PPARD: variants seen among roughly 807,000 people sequenced by gnomAD.
The protein encoded by PPARD is peroxisome proliferator-activated receptor delta.
A neutral mutation model predicts 39.5 loss-of-function variants in PPARD; 6 were observed. The observed-to-expected ratio is 0.15, with a 90% CI of 0.08 to 0.30. The LOEUF (loss-of-function observed/expected upper bound fraction) is 0.30. PPARD is among the 10% of genes least tolerant of loss of function. The pLI is 1.00. For missense variants in PPARD, 397 were observed against 596.8 expected (o/e 0.67, Z 3.49); for synonymous variants, 210 against 231.3 (o/e 0.91, Z 0.83).
rs1487739795 is a variant in PPARD at position 35,366,236 on chromosome 6, T to C, written c.-102+19086T>C. 2.6e-5 allele frequency among the ~76,000 whole-genome samples: 4 copies of C among 151,762 alleles called. No homozygotes were observed. The highest frequency in any genetic ancestry group is 5.9e-5 in the Non-Finnish European group (4 of 68,040). On this transcript the variant is annotated intron_variant, in intron 2 of 7. Coordinates refer to ENST00000360694, the MANE Select transcript of PPARD (RefSeq NM_006238.5). This position sits in a 1 kb window ranked among gnomAD's most constrained non-coding sequence, Gnocchi z 4.6. ...TGTGAATACCAGAAGGTGAGGATTG[T>C]TGCCAGCCATTTTAGAAGGCTGACT...
chr6:35,405,746 C>T (rs1041053686), intron 2 of PPARD, among the ~76,000 whole-genome samples: 12 of 152,118 alleles, frequency 7.9e-5, no homozygotes, highest in African/African-American at 2.7e-4. Context: ...TCTCGTGCCT[C>T]AGCCACCCAC....
intron 1 of PPARD, among the ~76,000 whole-genome samples, chr6:35,344,470 T>C (rs1792051906): frequency 6.6e-6 from 1 of 151,970 alleles, no homozygotes; most frequent in Non-Finnish European, 1.5e-5. Flanking sequence ...ATGTTTAACC[T>C]TACCAAGCAG....
intron 2 of PPARD, among the ~76,000 whole-genome samples, chr6:35,369,104 T>G (rs1762350956): frequency 6.6e-6 from 1 of 152,164 alleles, no homozygotes; most frequent in South Asian, 2.1e-4. Flanking sequence ...TTAAATAAAC[T>G]TCTATATTTT....
intron 5 of PPARD, among the ~76,000 whole-genome samples, 163 bp from the exon 6 acceptor site, chr6:35,423,783 G>A (rs9658159): frequency 5.3e-5 from 8 of 151,854 alleles, no homozygotes; most frequent in Admixed American, 2.0e-4. Context: ...TGGAGCTTGC[G>A]ATCTGGAGGG....
chr6:35,417,588 G>T (rs186815427), intron 3 of PPARD, among the ~76,000 whole-genome samples: 131 of 149,348 alleles, frequency 8.8e-4, no homozygotes, highest in African/African-American at 2.7e-3. Context: ...GCAATGGCGC[G>T]ATCTCAGCTC....
At chr6:35,419,511 A>G (rs1766001659) in intron 3 of PPARD, among the ~76,000 whole-genome samples, 1 of 152,236 alleles carries the variant, frequency 6.6e-6, no homozygotes, top group Admixed American at 6.5e-5. Context: ...TGCTTAATCA[A>G]TATGACTGAT....
intron 2 of PPARD, among the ~76,000 whole-genome samples, chr6:35,358,147 T>G (rs374775028): frequency 6.6e-6 from 1 of 152,174 alleles, no homozygotes; most frequent in African/African-American, 2.4e-5. Context: ...CAATCCCAAG[T>G]GTCCTTATGA....
At chr6:35,355,396 AC>A (rs1444149478) in intron 2 of PPARD, among the ~76,000 whole-genome samples, 1 of 151,772 alleles carries the variant, frequency 6.6e-6, no homozygotes, top group African/African-American at 2.4e-5. Flanking sequence ...TACAAAAAAT[AC>A]AAAAATTATC....
chr6:35,399,028 G>T (rs1486539042), intron 2 of PPARD, among the ~76,000 whole-genome samples: 6 of 152,060 alleles, frequency 3.9e-5, no homozygotes, highest in Non-Finnish European at 7.4e-5. Context: ...TGGGAGAATT[G>T]CTTGAATCCA....
At chr6:35,394,490 G>T (rs1250514592) in intron 2 of PPARD, among the ~76,000 whole-genome samples, 1 of 152,112 alleles carries the variant, frequency 6.6e-6, no homozygotes, top group Non-Finnish European at 1.5e-5. Context: ...CAGATAAGCA[G>T]CCGGGCATGA....
intron 2 of PPARD, among the ~76,000 whole-genome samples, chr6:35,409,369 G>T (rs185671885): frequency 6.4e-4 from 97 of 152,124 alleles, no homozygotes; most frequent in Non-Finnish European, 4.7e-4. Context: ...AGCTGGTGTG[G>T]TAGTGCACAC....
intron 2 of PPARD, chr6:35,348,296 T>C (rs988747172): frequency 2.1e-6 from 2 of 942,572 alleles, no homozygotes; most frequent in African/African-American, 3.6e-5. Context: ...GCCTCATGGG[T>C]CTGTGGTTTG....
intron 2 of PPARD, among the ~76,000 whole-genome samples, chr6:35,352,028 C>A (rs1342794476): frequency 6.6e-6 from 1 of 150,904 alleles, no homozygotes; most frequent in African/African-American, 2.5e-5. Context: ...ACCATCATGC[C>A]CACCTCATTT....
chr6:35,357,053 G>A (rs890422563), intron 2 of PPARD, among the ~76,000 whole-genome samples: 2 of 152,234 alleles, frequency 1.3e-5, no homozygotes, highest in African/African-American at 2.4e-5. Flanking sequence ...TTCTCAGGGT[G>A]TGCTTTTCCA....
At chr6:35,342,976 C>T (rs908933031) in intron 1 of PPARD, among the ~76,000 whole-genome samples, 2 of 152,132 alleles carry the variant, frequency 1.3e-5, no homozygotes, top group Non-Finnish European at 2.9e-5. Flanking sequence ...TACTCTTTGC[C>T]CCCTCTTGGG....
intron 3 of PPARD, among the ~76,000 whole-genome samples, chr6:35,417,411 C>T (rs962292180): frequency 3.3e-5 from 5 of 151,688 alleles, no homozygotes; most frequent in African/African-American, 4.8e-5. Flanking sequence ...TCAGCCTCCT[C>T]AGTAGCTGGC....
At chr6:35,357,434 G>A (rs1040679365) in intron 2 of PPARD, among the ~76,000 whole-genome samples, 2 of 152,130 alleles carry the variant, frequency 1.3e-5, no homozygotes, top group Admixed American at 6.5e-5. Context: ...TCAGCACTCC[G>A]TTGGGGGCTT....
Position 35,420,805 on chromosome 6 carries a change from A to C in PPARD, c.285+524A>C, listed in dbSNP as rs933623556. Among the ~76,000 whole-genome samples, 3 of 149,292 alleles carry C rather than the reference A, an allele frequency of 2.0e-5. No individual in the cohort carries two copies. The Admixed American group carries it at 2.0e-4, about 10-fold the overall frequency. ...GCCGTGAGACAATCTTATGTTACCAAACTAACAAAGAAGCTTTTTTTTTTT... is the reference window on the plus strand; with the variant it reads ...GCCGTGAGACAATCTTATGTTACCACACTAACAAAGAAGCTTTTTTTTTTT... On this transcript the variant is annotated intron_variant, in intron 4 of 7. Transcript: ENST00000360694.
At chr6:35,376,602 C>T (rs1268368775) in intron 2 of PPARD, among the ~76,000 whole-genome samples, 1 of 152,098 alleles carries the variant, frequency 6.6e-6, no homozygotes, top group Non-Finnish European at 1.5e-5. Flanking sequence ...TCTGGCGGGG[C>T]CATGAGTGTT....
Sources: allele counts gnomAD v4.1 joint callset (sites outside exome capture counted in the v4.1 genomes callset), GRCh38; gene constraint gnomAD v4.1.1; non-coding constraint Gnocchi (gnomAD v3.1); transcripts MANE v1.5; gene names NCBI Gene and HGNC (gene_info 2026-07-23, HGNC 2026-07-21).